Variants in FRAS1 observed in about 807,000 individuals in gnomAD.
FRAS1 encodes the protein Fraser extracellular matrix complex subunit 1.
FRAS1 carries 290 observed loss-of-function variants against 435.2 expected under a neutral mutation model. The ratio of observed to expected loss-of-function variants is 0.67; its 90% CI spans 0.61 to 0.73. The LOEUF (loss-of-function observed/expected upper bound fraction) is 0.73. Ranked by LOEUF, FRAS1 falls within the 30% of genes least tolerant of loss-of-function variation. FRAS1 has a pLI of 0.00. For synonymous variants in FRAS1, 1,800 were observed against 1,851.0 expected (o/e 0.97, Z 0.71); for missense variants, 4,860 against 5,001.5 (o/e 0.97, Z 0.85).
intron 2 of FRAS1, among the ~76,000 whole-genome samples, chr4:78,170,282 T>C (rs770277444): frequency 6.6e-6 from 1 of 152,180 alleles, no homozygotes; most frequent in Non-Finnish European, 1.5e-5. Flanking sequence ...TTCACCATTA[T>C]ATAAATAGCT....
intron 41 of FRAS1, 142 bp downstream of exon 41, chr4:78,441,439 T>C (rs1734654972): frequency 1.2e-6 from 1 of 820,476 alleles, no homozygotes; most frequent in South Asian, 1.7e-5. Flanking sequence ...GGTAGGAAGG[T>C]TTCATTCATT....
chr4:78,245,044 T>C (rs1156263341), intron 3 of FRAS1, among the ~76,000 whole-genome samples, 189 bp from the exon 4 acceptor site: 3 of 152,174 alleles, frequency 2.0e-5, no homozygotes, highest in African/African-American at 7.2e-5. Context: ...GGGGGTTCAT[T>C]TTATCTTTGA....
Position 78,307,354 on chromosome 4 carries a change from GAGGC to G in FRAS1, c.1535-703_1535-700del, listed in dbSNP as rs535440258. Among the ~76,000 whole-genome samples the G allele has an allele frequency of 3.6e-3, 551 of 152,368 alleles. 4 individuals are homozygous for G. Among genetic ancestry groups the G allele is most frequent in the Middle Eastern group, 0.014 (4 of 294 alleles). ...CCTGCCCCCAGAGGTGGAGCCTATA[GAGGC>G]AGGCAGGCCTCCTTGAACTGTGGTG... On this transcript the variant is annotated intron_variant, in intron 14 of 73. Coordinates refer to ENST00000512123, the MANE Select transcript of FRAS1 (RefSeq NM_025074.7).
chr4:78,424,008 C>T (rs888800265), intron 34 of FRAS1, among the ~76,000 whole-genome samples: 29 of 152,240 alleles, frequency 1.9e-4, no homozygotes, highest in African/African-American at 6.5e-4. Flanking sequence ...ATCAATGTCT[C>T]GGCATCACTC....
intron 2 of FRAS1, among the ~76,000 whole-genome samples, chr4:78,087,408 T>C (rs1210819730): frequency 6.6e-6 from 1 of 152,092 alleles, no homozygotes; most frequent in Non-Finnish European, 1.5e-5. Context: ...CAACATAGTG[T>C]TGGAAGTTCT....
intron 2 of FRAS1, among the ~76,000 whole-genome samples, chr4:78,126,461 A>G (rs1417532437): frequency 1.3e-5 from 2 of 152,244 alleles, no homozygotes; most frequent in South Asian, 2.1e-4. Flanking sequence ...TTGGAAATGC[A>G]GAAATCACCC....
In FRAS1 at chr4:78,438,697, A is replaced by G. The variant is rs1165454949; in HGVS notation, c.5345A>G (p.Asp1782Gly). 1 of 1,601,452 alleles carries G rather than the reference A, an allele frequency of 6.2e-7. No individual in the cohort carries two copies. The highest frequency in any genetic ancestry group is 1.1e-5 in the South Asian group (1 of 88,756). Residue 1782 changes from aspartate (D) to glycine (G), a missense_variant, in exon 39 of 74, where the codon GAC (aspartate) becomes GGC (glycine). Physicochemically the swap from Asp to Gly is moderately conservative, Grantham distance 94 (BLOSUM62 -1). Coordinates refer to ENST00000512123, the MANE Select transcript of FRAS1 (RefSeq NM_025074.7). ...LSEVSNFTME[D>G]INNKKIRYSA... is the part of the protein sequence containing the mutation. The stretch of plus-strand genomic sequence containing the variant: ...GAAGTTTCCAATTTCACAATGGAAG[A>G]CATCAATAACAAGAAAATCAGGTAC...
At chr4:78,277,999 G>A (rs1307832355) in intron 9 of FRAS1, among the ~76,000 whole-genome samples, 1 of 152,038 alleles carries the variant, frequency 6.6e-6, no homozygotes, top group Non-Finnish European at 1.5e-5. Context: ...TTTTAGTAGA[G>A]ACAGGGTTTC....
intron 6 of FRAS1, among the ~76,000 whole-genome samples, chr4:78,262,005 C>G (rs1726131502): frequency 6.6e-6 from 1 of 152,198 alleles, no homozygotes; most frequent in African/African-American, 2.4e-5. Flanking sequence ...ACTATAGTCA[C>G]TGCTTGAAAG....
At chr4:78,283,619 A>G (rs928210439) in intron 12 of FRAS1, among the ~76,000 whole-genome samples, 6 of 152,046 alleles carry the variant, frequency 3.9e-5, no homozygotes, top group African/African-American at 1.4e-4. Context: ...TTCATAATTA[A>G]TTGTTTTCAT....
chr4:78,373,963 G>C, intron 24 of FRAS1, 148 bp from the exon 25 acceptor site: 1 of 586,394 alleles, frequency 1.7e-6, no homozygotes, highest in Non-Finnish European at 2.7e-6. Context: ...GTGACAACCA[G>C]AACCCAGACT....
In FRAS1 at chr4:78,438,914, G is replaced by A; in HGVS notation, c.5379G>A (p.Val1793=). ...TGTTTTTTTATAGATACTCAGCTGTGTTTGAAACTGATGGTCATCTGGTTA... is the reference window on the plus strand; with the variant it reads ...TGTTTTTTTATAGATACTCAGCTGTATTTGAAACTGATGGTCATCTGGTTA... The part of the protein sequence containing the change: ...INNKKIRYSA[V]FETDGHLVTD... The change falls in exon 40 of 74, where the codon GTG becomes GTA. Residue 1793 remains valine (V), a synonymous_variant. Coordinates refer to ENST00000512123, the MANE Select transcript of FRAS1 (RefSeq NM_025074.7). 1 of 1,608,542 alleles carries A rather than the reference G, an allele frequency of 6.2e-7. No homozygotes were observed. The highest frequency in any genetic ancestry group is 1.1e-5 in the South Asian group (1 of 89,410).
Position 78,180,527 on chromosome 4 carries a change from A to C in FRAS1, c.109-56983A>C, listed in dbSNP as rs879102671. ...AAAACACAAATGAAGTGAAAGCTTT[A>C]AACTGGTACACACTGTTCACACCTA... On this transcript the variant is annotated intron_variant, in intron 2 of 73. Coordinates refer to ENST00000512123, the MANE Select transcript of FRAS1 (RefSeq NM_025074.7). Among the ~76,000 whole-genome samples, 3 of 152,284 alleles carry C rather than the reference A, an allele frequency of 2.0e-5. No homozygotes were observed. In the South Asian group the frequency reaches 6.2e-4, roughly 32 times the overall value.
chr4:78,232,646 A>G lies in FRAS1; in HGVS notation c.109-4864A>G, dbSNP rs75241170. On this transcript the variant is annotated intron_variant, in intron 2 of 73. Transcript: ENST00000512123. ...ATGAAGAAAATTTTTCTGTAAACAT[A>G]GTTTGACATTAATGTAGTAATGACA... 2.7e-3 allele frequency among the ~76,000 whole-genome samples: 407 copies of G among 152,336 alleles called. 3 individuals carry two copies. Among genetic ancestry groups the G allele is most frequent in the African/African-American group, 9.4e-3 (391 of 41,580 alleles).
chr4:78,162,770 T>C (rs1343058955), intron 2 of FRAS1, among the ~76,000 whole-genome samples: 1 of 152,206 alleles, frequency 6.6e-6, no homozygotes, highest in Admixed American at 6.5e-5. Context: ...TTTCAGGAGC[T>C]GGTTCGTTGT....
At chr4:78,140,730 CGTGTGTGT>C (rs1560546175) in intron 2 of FRAS1, among the ~76,000 whole-genome samples, 3 of 143,448 alleles carry the variant, frequency 2.1e-5, no homozygotes, top group African/African-American at 8.4e-5. Flanking sequence ...TATGTATATA[CGTGTGTGT>C]ATATGTATAT....
rs377106187 is a variant in FRAS1, at chr4:78,488,861, G to T, written c.8753-14G>T. On this transcript the variant is annotated splice_polypyrimidine_tract_variant and intron_variant, in intron 58 of 73. Coordinates refer to ENST00000512123, the MANE Select transcript of FRAS1 (RefSeq NM_025074.7). ...CCACTAATGGTGCGTCTGTCTTTCT[G>T]TCTGCCCACCTAGTGCCCAGCATGC... 1.2e-6 allele frequency: 2 copies of T among 1,608,846 alleles called. No individual in the cohort carries two copies. Among genetic ancestry groups the T allele is most frequent in the Admixed American group, 1.7e-5 (1 of 59,600 alleles).
intron 67 of FRAS1, 40 bp downstream of exon 67, chr4:78,519,521 C>T: frequency 1.9e-6 from 3 of 1,587,272 alleles, no homozygotes; most frequent in Non-Finnish European, 2.6e-6. Flanking sequence ...TTAGTTAGGG[C>T]TTCACTCAAG....
At chr4:78,358,421 G>T (rs1189831507) in intron 20 of FRAS1, among the ~76,000 whole-genome samples, 12 of 152,128 alleles carry the variant, frequency 7.9e-5, no homozygotes, top group Admixed American at 5.9e-4. Flanking sequence ...TATCAATTAA[G>T]AATTTTACAT....
Sources: allele counts gnomAD v4.1 joint callset (sites outside exome capture counted in the v4.1 genomes callset), GRCh38; gene constraint gnomAD v4.1.1; transcripts MANE v1.5; gene names NCBI Gene and HGNC (gene_info 2026-07-23, HGNC 2026-07-21).